Variants in SPAG16 observed in about 807,000 individuals in gnomAD.
SPAG16 encodes the protein sperm-associated antigen 16 protein.
In SPAG16, 86 loss-of-function variants were observed where a neutral mutation model predicts 80.4. The observed-to-expected ratio is 1.07, with a 90% confidence interval of 0.90 to 1.28. The LOEUF is 1.28. SPAG16 is among the 50% of genes most tolerant of loss of function. The pLI is 0.00. For missense variants in SPAG16, 870 were observed against 765.3 expected (o/e 1.14, Z -1.61); for synonymous variants, 294 against 265.9 (o/e 1.11, Z -1.03).
At chr2:214,299,455 G>A (rs886200553) in intron 15 of SPAG16, among the ~76,000 whole-genome samples, 27 of 151,750 alleles carry the variant, frequency 1.8e-4, no homozygotes, top group Non-Finnish European at 2.4e-4. Flanking sequence ...TCATCATGTT[G>A]GCCAGGATGG....
chr2:214,350,410 T>A (rs1040134950), intron 15 of SPAG16, among the ~76,000 whole-genome samples: 5 of 152,218 alleles, frequency 3.3e-5, no homozygotes, highest in Middle Eastern at 3.2e-3. Context: ...TATTTCAGAT[T>A]GCATTTTTCA....
At chr2:213,949,179 T>TTTTTTTTTTTG (rs1553677669) in intron 12 of SPAG16, among the ~76,000 whole-genome samples, 12 of 36,234 alleles carry the variant, frequency 3.3e-4, no homozygotes, top group Non-Finnish European at 4.9e-4. Context: ...GTTTTTTTTT[T>TTTTTTTTTTTG]TTTTTTTTTT....
At chr2:214,186,740 T>C (rs923295697) in intron 15 of SPAG16, among the ~76,000 whole-genome samples, 1 of 152,024 alleles carries the variant, frequency 6.6e-6, no homozygotes, top group African/African-American at 2.4e-5. Context: ...ACATGCAATA[T>C]GCAAGTAGTT....
intron 10 of SPAG16, among the ~76,000 whole-genome samples, chr2:213,679,227 G>A (rs1453977862): frequency 2.6e-5 from 4 of 152,110 alleles, no homozygotes; most frequent in Non-Finnish European, 5.9e-5. Flanking sequence ...ATACACTATG[G>A]TCATGTAAAA....
At chr2:214,177,935 G>A (rs1353496613) in intron 15 of SPAG16, among the ~76,000 whole-genome samples, 9 of 37,448 alleles carry the variant, frequency 2.4e-4, no homozygotes, top group African/African-American at 8.1e-4. Flanking sequence ...ATATATATAT[G>A]GCCAGAATTG....
intron 15 of SPAG16, among the ~76,000 whole-genome samples, chr2:214,154,073 T>C (rs2056104619): frequency 6.6e-6 from 1 of 152,188 alleles, no homozygotes; most frequent in African/African-American, 2.4e-5. Context: ...ATTCACTACC[T>C]AAATAATGTC....
intron 15 of SPAG16, among the ~76,000 whole-genome samples, chr2:214,326,130 G>A (rs1696464099): frequency 6.6e-6 from 1 of 152,146 alleles, no homozygotes; most frequent in South Asian, 2.1e-4. Context: ...CATCTTTTTA[G>A]ATGTAGTTAA....
chr2:214,052,567 TC>T (rs1305502403), intron 13 of SPAG16, among the ~76,000 whole-genome samples: 1 of 152,198 alleles, frequency 6.6e-6, no homozygotes, highest in African/African-American at 2.4e-5. Context: ...AGTCTATATA[TC>T]CCAGATATAG....
chr2:213,600,899 G>T (rs2061038144), intron 10 of SPAG16, among the ~76,000 whole-genome samples: 1 of 152,190 alleles, frequency 6.6e-6, no homozygotes, highest in Non-Finnish European at 1.5e-5. Flanking sequence ...AAATTAGTAT[G>T]AGAAATGACA....
intron 15 of SPAG16, among the ~76,000 whole-genome samples, chr2:214,168,397 T>C (rs1162171035): frequency 6.6e-6 from 1 of 152,102 alleles, no homozygotes; most frequent in Non-Finnish European, 1.5e-5. Flanking sequence ...CATATAAACA[T>C]GGTGAATAAG....
chr2:213,526,707 G>T (rs988734659), intron 10 of SPAG16, among the ~76,000 whole-genome samples: 11 of 152,290 alleles, frequency 7.2e-5, no homozygotes, highest in East Asian at 3.9e-4. Flanking sequence ...AGAAGGCAAA[G>T]AACTTGAACA....
chr2:213,586,892 C>A (rs1047729841), intron 10 of SPAG16, among the ~76,000 whole-genome samples: 1 of 152,164 alleles, frequency 6.6e-6, no homozygotes, highest in Non-Finnish European at 1.5e-5. Context: ...GAGGATCTGC[C>A]CTCTGGGCCC....
intron 15 of SPAG16, among the ~76,000 whole-genome samples, chr2:214,228,145 G>A (rs936376841): frequency 6.6e-6 from 1 of 151,886 alleles, no homozygotes; most frequent in Admixed American, 6.6e-5. Flanking sequence ...GTATCAAATT[G>A]TTTAAATTCA....
intron 10 of SPAG16, among the ~76,000 whole-genome samples, chr2:213,805,549 G>A (rs1236291422): frequency 6.6e-6 from 1 of 152,158 alleles, no homozygotes; most frequent in African/African-American, 2.4e-5. Context: ...CTGAGGAGGG[G>A]TGTTGTCGAA....
intron 10 of SPAG16, among the ~76,000 whole-genome samples, chr2:213,769,994 AC>A (rs1348744026): frequency 6.6e-6 from 1 of 152,212 alleles, no homozygotes. Flanking sequence ...AAATAGAAGC[AC>A]ACAATATGTA....
At chr2:213,508,496 C>T (rs1329091163) in intron 10 of SPAG16, among the ~76,000 whole-genome samples, 5 of 152,018 alleles carry the variant, frequency 3.3e-5, no homozygotes, top group Admixed American at 6.5e-5. Context: ...GGCGTGAACC[C>T]GGGAAGCGGA....
chr2:213,488,102 C>G (rs896897157), intron 9 of SPAG16, among the ~76,000 whole-genome samples: 3 of 151,812 alleles, frequency 2.0e-5, no homozygotes, highest in Non-Finnish European at 4.4e-5. Flanking sequence ...AATGTAAGCT[C>G]CATAAGGGAG....
chr2:213,623,067 G>T (rs891826960), intron 10 of SPAG16, among the ~76,000 whole-genome samples: 1 of 152,054 alleles, frequency 6.6e-6, no homozygotes, highest in Non-Finnish European at 1.5e-5. Flanking sequence ...GCCTCCATTT[G>T]CTAGGTGTAG....
At chr2:213,882,664 C>T (rs1005671241) in intron 11 of SPAG16, among the ~76,000 whole-genome samples, 17 of 152,054 alleles carry the variant, frequency 1.1e-4, no homozygotes, top group African/African-American at 4.1e-4. Flanking sequence ...TTTGTTATAC[C>T]TGATTGTACT....
Sources: gnomAD v4.1 joint callset for allele counts (sites outside exome capture counted in the v4.1 genomes callset) on GRCh38, gnomAD v4.1.1 for gene constraint, MANE v1.5 for transcripts, NCBI Gene and HGNC (gene_info 2026-07-23, HGNC 2026-07-21) for gene names.